EPSTI1: variants seen among roughly 807,000 people sequenced by gnomAD.
EPSTI1 encodes epithelial-stromal interaction protein 1.
EPSTI1 carries 66 observed loss-of-function variants against 49.9 expected under a neutral mutation model. The ratio of observed to expected loss-of-function variants is 1.32; its 90% CI spans 1.08 to 1.62. The LOEUF is 1.62. EPSTI1 is among the 40% of genes most tolerant of loss of function. The probability of loss-of-function intolerance (pLI) is 0.00; values close to 1 mark genes in which losing one functional copy is unlikely to be tolerated. For synonymous variants in EPSTI1, 137 were observed against 130.7 expected (o/e 1.05, Z -0.33); for missense variants, 394 against 365.5 (o/e 1.08, Z -0.64).
chr13:42,922,484 A>C lies in EPSTI1; in HGVS notation c.657+3852T>G, dbSNP rs556318096. On this transcript the variant is annotated intron_variant, in intron 7 of 10. Coordinates refer to ENST00000313624, the MANE Select transcript of EPSTI1 (RefSeq NM_033255.5). The surrounding 1 kb of genome is among the most constrained non-coding windows in gnomAD (Gnocchi z 4.8). ...AGCCGTGTGCCAAGGGTTTGCGGGG[A>C]CAGGGGACAGATGCCCCCCGGAAGC... Among the ~76,000 whole-genome samples, 5 of 152,146 alleles carry C rather than the reference A, an allele frequency of 3.3e-5. No individual in the cohort carries two copies. Among genetic ancestry groups the C allele is most frequent in the African/African-American group, 1.2e-4 (5 of 41,440 alleles).
At chr13:42,889,192 A>G in intron 10 of EPSTI1, 1 of 1,562,622 alleles carries the variant, frequency 6.4e-7, no homozygotes, top group Non-Finnish European at 8.7e-7. Context: ...ATTTAAAGGG[A>G]TGTTTTTAAG....
intron 2 of EPSTI1, chr13:42,970,397 ATGTCATGAGTTCTG>A: frequency 2.3e-6 from 1 of 432,592 alleles, no homozygotes; most frequent in Admixed American, 4.4e-5. Context: ...ATCTACCATC[ATGTCATGAGTTCTG>A]TTACTAACGT....
At chr13:42,895,423 G>A (rs2037162414) in intron 9 of EPSTI1, among the ~76,000 whole-genome samples, 1 of 152,200 alleles carries the variant, frequency 6.6e-6, no homozygotes, top group South Asian at 2.1e-4. Flanking sequence ...AATCATGCCA[G>A]GTATGAACCT....
At chr13:42,985,485 T>C (rs1470230682) in intron 1 of EPSTI1, among the ~76,000 whole-genome samples, 1 of 152,222 alleles carries the variant, frequency 6.6e-6, no homozygotes, top group African/African-American at 2.4e-5. Context: ...CTTCCCTTCA[T>C]GGCCCCAGCT....
chr13:42,896,777 C>T (rs1320590771), intron 9 of EPSTI1, among the ~76,000 whole-genome samples: 3 of 152,190 alleles, frequency 2.0e-5, no homozygotes, highest in Admixed American at 1.3e-4. Context: ...TTTCCTCCCC[C>T]ACTGAGTATC....
At chr13:42,965,332 C>T (rs1016595301) in intron 3 of EPSTI1, among the ~76,000 whole-genome samples, 2 of 152,144 alleles carry the variant, frequency 1.3e-5, no homozygotes, top group African/African-American at 4.8e-5. Flanking sequence ...CCAAGTCCCT[C>T]CCACACACAC....
intron 1 of EPSTI1, among the ~76,000 whole-genome samples, chr13:42,976,122 C>T (rs1278051355): frequency 6.6e-6 from 1 of 152,186 alleles, no homozygotes; most frequent in Non-Finnish European, 1.5e-5. Flanking sequence ...ACATGAAATT[C>T]CTGGATCAGA....
At chr13:42,932,523 G>C (rs889304676) in intron 6 of EPSTI1, among the ~76,000 whole-genome samples, 2 of 151,542 alleles carry the variant, frequency 1.3e-5, no homozygotes, top group Non-Finnish European at 2.9e-5. Context: ...GGGGGCAAAA[G>C]TCTCTCGATC....
At chr13:42,924,408 T>C (rs774767802) in intron 7 of EPSTI1, among the ~76,000 whole-genome samples, 13 of 152,170 alleles carry the variant, frequency 8.5e-5, no homozygotes, top group Non-Finnish European at 1.3e-4. Flanking sequence ...ATGACAATAT[T>C]AAAATTCAGG....
At chr13:42,947,602 T>A (rs1047492762) in intron 6 of EPSTI1, among the ~76,000 whole-genome samples, 2 of 152,222 alleles carry the variant, frequency 1.3e-5, no homozygotes, top group Non-Finnish European at 2.9e-5. Flanking sequence ...ATGTGTGATT[T>A]TATGACTCTT....
chr13:42,978,059 A>C (rs1594758006), intron 1 of EPSTI1, among the ~76,000 whole-genome samples: 2 of 152,104 alleles, frequency 1.3e-5, no homozygotes, highest in Admixed American at 1.3e-4. Context: ...AGGCTGAGGC[A>C]GGAGAATGGC....
At chr13:42,947,469 C>G (rs1353498069) in intron 6 of EPSTI1, among the ~76,000 whole-genome samples, 2 of 152,224 alleles carry the variant, frequency 1.3e-5, no homozygotes, top group African/African-American at 4.8e-5. Flanking sequence ...CTCTTATCCA[C>G]TGAACAATTG....
intron 8 of EPSTI1, among the ~76,000 whole-genome samples, chr13:42,917,193 T>C (rs1227823396): frequency 6.6e-6 from 1 of 152,160 alleles, no homozygotes; most frequent in Non-Finnish European, 1.5e-5. Flanking sequence ...CTGGATACCA[T>C]CTCTAATTTC....
chr13:42,966,709 G>A lies in EPSTI1; in HGVS notation c.331+2385C>T, dbSNP rs1272488306. Among the ~76,000 whole-genome samples, 4 of 81,382 alleles carry A rather than the reference G, an allele frequency of 4.9e-5. 1 individual carries two copies. The highest frequency in any genetic ancestry group is 6.1e-4 in the South Asian group (1 of 1,630). 53.4% of individuals were successfully genotyped at this position (81,382 alleles called of 152,430 possible). A position where few individuals can be genotyped will look rare whatever the true frequency, so the allele number is the denominator to read the frequency against. On this transcript the variant is annotated intron_variant, in intron 3 of 10. Coordinates refer to ENST00000313624, the MANE Select transcript of EPSTI1 (RefSeq NM_033255.5). The stretch of plus-strand genomic sequence containing the variant: ...AGGGAGGTGGGGGGGTCAGCCCCCC[G>A]CCCGGCCAGCCGCCCCGTCCGGGAG...
At position 42,992,224 on chromosome 13, in the gene EPSTI1, C is replaced by G; in HGVS notation, c.-59G>C. On this transcript the variant is annotated 5_prime_UTR_variant, in exon 1 of 11. Transcript: ENST00000313624. ...CTGCGGGAGGGATGCGGCTGGGACGCTTAGCGAGTCTCAAGATGGGATTCC... is the reference window on the plus strand; with the variant it reads ...CTGCGGGAGGGATGCGGCTGGGACGGTTAGCGAGTCTCAAGATGGGATTCC... The G allele has an allele frequency of 6.8e-7, 1 of 1,467,332 alleles. No individual in the cohort carries two copies. Among genetic ancestry groups the G allele is most frequent in the Non-Finnish European group, 9.0e-7 (1 of 1,106,078 alleles). The allele number at this position is 1,467,332 out of a possible 1,614,324, so 90.9% of individuals were successfully genotyped here. A position where few individuals can be genotyped will look rare whatever the true frequency, so the allele number is the denominator to read the frequency against.
In EPSTI1 at chr13:42,949,795, A is replaced by G. The variant is rs181571034; in HGVS notation, c.563+4153T>C. 9.7e-4 allele frequency among the ~76,000 whole-genome samples: 148 copies of G among 152,182 alleles called. 1 individual carries two copies. Among genetic ancestry groups the G allele is most frequent in the African/African-American group, 3.4e-3 (140 of 41,524 alleles). On this transcript the variant is annotated intron_variant, in intron 6 of 10. Coordinates refer to ENST00000313624, the MANE Select transcript of EPSTI1 (RefSeq NM_033255.5). Reference sequence around the variant, plus strand: ...TCACTCACATTCCTACCCTAGCTGAAATTCAAACCTCTCTTAACACTCATC... The same window carrying G: ...TCACTCACATTCCTACCCTAGCTGAGATTCAAACCTCTCTTAACACTCATC...
intron 8 of EPSTI1, among the ~76,000 whole-genome samples, chr13:42,915,589 AAGAGAG>A (rs774235478): frequency 2.6e-5 from 4 of 152,226 alleles, no homozygotes; most frequent in Non-Finnish European, 5.9e-5. Context: ...CAGGCAAAAA[AAGAGAG>A]AAGCAAAAGT....
intron 1 of EPSTI1, among the ~76,000 whole-genome samples, chr13:42,989,799 T>C (rs957214505): frequency 1.3e-5 from 2 of 151,748 alleles, no homozygotes; most frequent in Non-Finnish European, 2.9e-5. Flanking sequence ...TTCACTGTGT[T>C]AGCCAGGATG....
At position 42,926,243 on chromosome 13, in the gene EPSTI1, A is replaced by G. The variant is rs139879153; in HGVS notation, c.657+93T>C. On this transcript the variant is annotated intron_variant, in intron 7 of 10. Transcript: ENST00000313624. Reference sequence around the variant, plus strand: ...CATCTGTCTTTAGTTCCAGCATTCTATGATGTACAAGTCACTCTATATCCC... The same window carrying G: ...CATCTGTCTTTAGTTCCAGCATTCTGTGATGTACAAGTCACTCTATATCCC... 1.2e-4 allele frequency: 99 copies of G among 797,422 alleles called. 2 individuals are homozygous for G. In the East Asian group the frequency reaches 2.4e-3, roughly 19 times the overall value. The allele number at this position is 797,422 out of a possible 1,614,324, so 49.4% of individuals were successfully genotyped here.
Sources: allele counts gnomAD v4.1 joint callset (sites outside exome capture counted in the v4.1 genomes callset), GRCh38; gene constraint gnomAD v4.1.1; non-coding constraint Gnocchi (gnomAD v3.1); transcripts MANE v1.5; gene names NCBI Gene and HGNC (gene_info 2026-07-23, HGNC 2026-07-21).